The following PRSS12 variants were observed in gnomAD, a reference collection of about 807,000 sequenced individuals.
PRSS12 encodes neurotrypsin.
A neutral mutation model predicts 104.4 loss-of-function variants in PRSS12; 85 were observed. That is an observed-to-expected ratio of 0.81 (90% CI 0.68 to 0.98). The LOEUF (loss-of-function observed/expected upper bound fraction) is 0.98. Among genes scored for constraint, PRSS12 ranks in the 50% least tolerant of loss-of-function variants. The pLI, the probability that PRSS12 is intolerant of heterozygous loss-of-function variation, is 0.00. For synonymous variants in PRSS12, 454 were observed against 425.2 expected, an observed-to-expected ratio of 1.07 and a Z score of -0.83; for missense variants, 1,141 against 1,139.2, an observed-to-expected ratio of 1.00 and a Z score of -0.02.
At chr4:118,291,681 T>C (rs555349612) in intron 11 of PRSS12, among the ~76,000 whole-genome samples, 1 of 152,104 alleles carries the variant, frequency 6.6e-6, no homozygotes, top group Non-Finnish European at 1.5e-5. Context: ...ACACAGTGCT[T>C]TTCTCCCTGA....
chr4:118,352,605 G>A lies in PRSS12; in HGVS notation c.116C>T (p.Ala39Val), dbSNP rs1318483242. The A allele has an allele frequency of 3.7e-6, 6 of 1,609,452 alleles. No homozygotes were observed. In the African/African-American group the frequency reaches 4.0e-5, roughly 11 times the overall value. Residue 39 changes from alanine (A) to valine (V), a missense_variant, in exon 1 of 13, where the codon GCG becomes GTG. Transcript: ENST00000296498. ...AAGGTAATAGGGGTAGTGCGGACCC[G>A]CAGGGGGCGAATGGCGGTGGCTGTG... ...LHHSHRHSPP[A>V]GPHYPYYLPT...
At chr4:118,291,559 A>G (rs1025343108) in intron 11 of PRSS12, among the ~76,000 whole-genome samples, 1 of 152,124 alleles carries the variant, frequency 6.6e-6, no homozygotes, top group African/African-American at 2.4e-5. Context: ...AAAAGGCAAC[A>G]AATCTAATCC....
chr4:118,290,479 TA>T (rs1743103859), intron 11 of PRSS12, among the ~76,000 whole-genome samples: 1 of 152,144 alleles, frequency 6.6e-6, no homozygotes, highest in South Asian at 2.1e-4. Context: ...TCTTCTCCAT[TA>T]GTAAGTGAAA....
At position 118,304,128 on chromosome 4, in the gene PRSS12, G is replaced by A. The variant is rs549839303; in HGVS notation, c.1631+4308C>T. On this transcript the variant is annotated intron_variant, in intron 8 of 12. Transcript: ENST00000296498. ...GCATAATTTCTCTCTCTCCATGTAC[G>A]TGTGTGTGTGTATCTGTATATATGC... 1.2e-3 allele frequency among the ~76,000 whole-genome samples: 178 copies of A among 151,292 alleles called. 5 individuals are homozygous for A. In the South Asian group the frequency reaches 0.033, roughly 28 times the overall value.
intron 3 of PRSS12, among the ~76,000 whole-genome samples, chr4:118,334,441 C>T (rs1724011039): frequency 6.6e-6 from 1 of 152,100 alleles, no homozygotes; most frequent in Non-Finnish European, 1.5e-5. Context: ...GCCCAGTTCA[C>T]ATCATCCTTG....
intron 1 of PRSS12, among the ~76,000 whole-genome samples, chr4:118,338,561 C>T (rs1724118982): frequency 6.6e-6 from 1 of 152,210 alleles, no homozygotes. Flanking sequence ...GGCAAACAGA[C>T]AGTCCTATTA....
chr4:118,308,670 A>G (rs1743622572), intron 7 of PRSS12, 93 bp from the exon 8 acceptor site: 3 of 1,508,634 alleles, frequency 2.0e-6, no homozygotes, highest in Non-Finnish European at 1.8e-6. Context: ...GTTCTTTTTA[A>G]TCAGCTATAA....
At chr4:118,332,377 C>T (rs865973385) in intron 3 of PRSS12, among the ~76,000 whole-genome samples, 23 of 152,240 alleles carry the variant, frequency 1.5e-4, no homozygotes, top group South Asian at 2.1e-4. Context: ...ATGGCCAGTA[C>T]CTCAACAGAA....
At chr4:118,316,837 A>AAAAAAT (rs35698159) in intron 5 of PRSS12, among the ~76,000 whole-genome samples, 115 of 99,188 alleles carry the variant, frequency 1.2e-3, no homozygotes, top group African/African-American at 3.6e-3. Flanking sequence ...AAAAAAAAAA[A>AAAAAAT]ATATATATAT....
chr4:118,329,424 G>C (rs1011531714), intron 4 of PRSS12, among the ~76,000 whole-genome samples: 12 of 152,002 alleles, frequency 7.9e-5, no homozygotes, highest in Non-Finnish European at 1.6e-4. Flanking sequence ...TAATATTTTT[G>C]GCAAAGACAT....
intron 11 of PRSS12, among the ~76,000 whole-genome samples, chr4:118,283,535 G>A (rs184920255): frequency 2.0e-5 from 3 of 152,252 alleles, no homozygotes; most frequent in East Asian, 1.9e-4. Flanking sequence ...TAGTACAATC[G>A]ACTTCACTCT....
At chr4:118,298,032 G>A (rs788667) in intron 9 of PRSS12, among the ~76,000 whole-genome samples, 43,235 of 151,092 alleles carry the variant, frequency 0.29, 7,779 homozygotes, top group Middle Eastern at 0.43. Context: ...CAGCTACTCG[G>A]GAGGCTGAGG....
At chr4:118,305,725 G>A (rs1743531341) in intron 8 of PRSS12, among the ~76,000 whole-genome samples, 1 of 152,032 alleles carries the variant, frequency 6.6e-6, no homozygotes. Context: ...TTAACTATAG[G>A]TACTGTATTG....
intron 6 of PRSS12, among the ~76,000 whole-genome samples, chr4:118,315,590 T>A (rs981472461): frequency 6.6e-6 from 1 of 152,174 alleles, no homozygotes; most frequent in Non-Finnish European, 1.5e-5. Context: ...AAAGCATCAT[T>A]TGCAGTTACT....
intron 12 of PRSS12, 92 bp from the exon 13 acceptor site, chr4:118,282,335 T>C: frequency 6.6e-7 from 1 of 1,516,376 alleles, no homozygotes; most frequent in Non-Finnish European, 9.1e-7. Flanking sequence ...GAAAATAAAA[T>C]CCCTGTTGTG....
At chr4:118,337,951 C>A (rs999977801) in intron 2 of PRSS12, among the ~76,000 whole-genome samples, 2 of 152,110 alleles carry the variant, frequency 1.3e-5, no homozygotes, top group Non-Finnish European at 2.9e-5. Flanking sequence ...AGTATTTGCC[C>A]ATTTTCCTAG....
intron 2 of PRSS12, among the ~76,000 whole-genome samples, chr4:118,337,517 A>C (rs958032762): frequency 2.0e-5 from 3 of 152,176 alleles, no homozygotes; most frequent in Admixed American, 1.3e-4. Flanking sequence ...GACAGTGCCT[A>C]GGGTTACAGT....
intron 4 of PRSS12, among the ~76,000 whole-genome samples, chr4:118,321,396 A>G (rs1723614752): frequency 6.6e-6 from 1 of 152,216 alleles, no homozygotes; most frequent in Admixed American, 6.5e-5. Flanking sequence ...TCCAAGCTCA[A>G]TCTTTGAAGT....
intron 3 of PRSS12, among the ~76,000 whole-genome samples, chr4:118,333,773 G>C (rs1224693680): frequency 6.6e-6 from 1 of 151,930 alleles, no homozygotes; most frequent in African/African-American, 2.4e-5. Flanking sequence ...TTTAAAATGT[G>C]GTTTCTTTTT....
Sources: allele counts gnomAD v4.1 joint callset (sites outside exome capture counted in the v4.1 genomes callset), GRCh38; gene constraint gnomAD v4.1.1; transcripts MANE v1.5; gene names NCBI Gene and HGNC (gene_info 2026-07-23, HGNC 2026-07-21).